The following EDIL3 variants were observed in gnomAD, a reference collection of about 807,000 sequenced individuals.
EDIL3 encodes EGF like and discoidin domains 3, also known as EGF-like repeat and discoidin I-like domain-containing protein 3.
EDIL3 carries 37 observed loss-of-function variants against 67.4 expected under a neutral mutation model. That is an observed-to-expected ratio of 0.55 (90% CI 0.42 to 0.72). The LOEUF (loss-of-function observed/expected upper bound fraction) is 0.72, where lower values mean the gene tolerates loss of function less well. Among genes scored for constraint, EDIL3 ranks in the 30% least tolerant of loss-of-function variants. The pLI, the probability that EDIL3 is intolerant of heterozygous loss-of-function variation, is 0.00. For synonymous variants in EDIL3, 195 were observed against 196.3 expected (o/e 0.99, Z 0.05); for missense variants, 527 against 586.3 (o/e 0.90, Z 1.04).
rs1346726833 is a variant in EDIL3 at position 84,340,524 on chromosome 5, CTCTCTCTCTCTA to C, written c.67+43772_67+43783del. Among the ~76,000 whole-genome samples, 212 of 71,602 alleles carry C rather than the reference CTCTCTCTCTCTA, an allele frequency of 3.0e-3. 2 individuals carry two copies. The highest frequency in any genetic ancestry group is 8.7e-3 in the African/African-American group (205 of 23,452). 47.0% of individuals were successfully genotyped at this position (71,602 alleles called of 152,430 possible). The stretch of plus-strand genomic sequence containing the variant: ...GATTACTCTCTCTCTCTCTCTCTCT[CTCTCTCTCTCTA>C]TATATATATATATATATATATATAT... On this transcript the variant is annotated intron_variant, in intron 1 of 10. Transcript: ENST00000296591.
At chr5:84,238,541 A>C (rs1744723522) in intron 2 of EDIL3, among the ~76,000 whole-genome samples, 2 of 152,090 alleles carry the variant, frequency 1.3e-5, no homozygotes, top group South Asian at 4.1e-4. Context: ...TAAGAAATAA[A>C]GCACAATTTC....
chr5:84,141,881 C>T (rs1377848209), intron 4 of EDIL3, among the ~76,000 whole-genome samples: 14 of 144,454 alleles, frequency 9.7e-5, no homozygotes, highest in African/African-American at 3.3e-4. Context: ...TGTGAGAAGC[C>T]TACTCCAGTA....
At chr5:84,139,067 G>T (rs1200968174) in intron 4 of EDIL3, among the ~76,000 whole-genome samples, 1 of 152,010 alleles carries the variant, frequency 6.6e-6, no homozygotes, top group Non-Finnish European at 1.5e-5. Context: ...GTGAAACCTT[G>T]TCTCTACTAA....
chr5:84,312,377 G>T (rs1212442162), intron 1 of EDIL3, among the ~76,000 whole-genome samples: 5 of 129,796 alleles, frequency 3.9e-5, no homozygotes, highest in African/African-American at 1.2e-4. Context: ...CTGGCCGGGC[G>T]GGGGGCTGAC....
intron 10 of EDIL3, among the ~76,000 whole-genome samples, chr5:83,948,115 G>A (rs1398191054): frequency 6.6e-6 from 1 of 151,478 alleles, no homozygotes; most frequent in African/African-American, 2.4e-5. Context: ...TTGCATTTTG[G>A]GTTATAGTTG....
At chr5:84,048,489 C>G (rs768549629) in intron 9 of EDIL3, among the ~76,000 whole-genome samples, 4 of 151,872 alleles carry the variant, frequency 2.6e-5, no homozygotes, top group Non-Finnish European at 5.9e-5. Context: ...TGATAAAGGT[C>G]AACACTAAAA....
chr5:84,037,985 C>CTTTTTTTTTT (rs1580292622), intron 9 of EDIL3, among the ~76,000 whole-genome samples: 2 of 99,644 alleles, frequency 2.0e-5, no homozygotes, highest in African/African-American at 1.1e-4. Context: ...TTCTTTCTTT[C>CTTTTTTTTTT]TTGTTTTTTT....
At chr5:84,252,360 G>A (rs1471942744) in intron 2 of EDIL3, among the ~76,000 whole-genome samples, 1 of 151,318 alleles carries the variant, frequency 6.6e-6, no homozygotes, top group Admixed American at 6.6e-5. Flanking sequence ...CGGGCGTGGC[G>A]GCAGGCGCCT....
intron 4 of EDIL3, among the ~76,000 whole-genome samples, chr5:84,167,745 C>T (rs1748734306): frequency 6.6e-6 from 1 of 152,026 alleles, no homozygotes; most frequent in Admixed American, 6.6e-5. Flanking sequence ...ACCAAGGAAA[C>T]CAAGACCTGT....
At chr5:84,248,692 A>G (rs1167560217) in intron 2 of EDIL3, among the ~76,000 whole-genome samples, 1 of 152,148 alleles carries the variant, frequency 6.6e-6, no homozygotes, top group African/African-American at 2.4e-5. Flanking sequence ...TGTCATTTAT[A>G]ATATCTCAGT....
intron 1 of EDIL3, among the ~76,000 whole-genome samples, chr5:84,371,357 ATATG>A (rs1439501018): frequency 7.1e-6 from 1 of 140,698 alleles, no homozygotes; most frequent in Admixed American, 7.2e-5. Flanking sequence ...GTGTGTATAT[ATATG>A]TGTGTATATA....
At chr5:84,250,446 C>T (rs1432308332) in intron 2 of EDIL3, among the ~76,000 whole-genome samples, 1 of 152,166 alleles carries the variant, frequency 6.6e-6, no homozygotes, top group Non-Finnish European at 1.5e-5. Flanking sequence ...AACTATCCTA[C>T]GTAACACAGG....
chr5:84,227,711 A>T (rs1219600567), intron 3 of EDIL3, among the ~76,000 whole-genome samples: 1 of 152,136 alleles, frequency 6.6e-6, no homozygotes, highest in Non-Finnish European at 1.5e-5. Flanking sequence ...AAGAAAATGT[A>T]GTACATATAA....
intron 4 of EDIL3, among the ~76,000 whole-genome samples, chr5:84,174,039 A>G (rs1014797773): frequency 6.6e-6 from 1 of 152,168 alleles, no homozygotes; most frequent in African/African-American, 2.4e-5. Flanking sequence ...AAGGAGCCAA[A>G]GGAAAGGAGA....
intron 10 of EDIL3, among the ~76,000 whole-genome samples, chr5:83,956,867 CAA>C (rs752585629): frequency 3.3e-5 from 5 of 151,600 alleles, no homozygotes; most frequent in East Asian, 1.9e-4. Context: ...TGTACACACA[CAA>C]GTTAAAAATA....
chr5:84,246,806 TC>T (rs1388565035), intron 2 of EDIL3, among the ~76,000 whole-genome samples: 11 of 152,170 alleles, frequency 7.2e-5, no homozygotes, highest in African/African-American at 2.7e-4. Flanking sequence ...CAAATTCTAA[TC>T]ATTGTCATTA....
At chr5:84,177,977 A>G (rs1748950463) in intron 4 of EDIL3, among the ~76,000 whole-genome samples, 1 of 152,174 alleles carries the variant, frequency 6.6e-6, no homozygotes, top group Non-Finnish European at 1.5e-5. Context: ...AAAGTCCCCC[A>G]ATATAGCTGT....
intron 4 of EDIL3, among the ~76,000 whole-genome samples, chr5:84,162,819 T>G (rs576909792): frequency 6.6e-6 from 1 of 152,178 alleles, no homozygotes; most frequent in Non-Finnish European, 1.5e-5. Context: ...TTGATCTGTA[T>G]CCAGTGAGGA....
intron 10 of EDIL3, among the ~76,000 whole-genome samples, chr5:83,946,206 T>C (rs1156732083): frequency 6.6e-6 from 1 of 151,980 alleles, no homozygotes; most frequent in East Asian, 1.9e-4. Flanking sequence ...TAAATCTCTA[T>C]ATAGGAGTGA....
Sources: gnomAD v4.1 joint callset for allele counts (sites outside exome capture counted in the v4.1 genomes callset) on GRCh38, gnomAD v4.1.1 for gene constraint, MANE v1.5 for transcripts, NCBI Gene and HGNC (gene_info 2026-07-23, HGNC 2026-07-21) for gene names.